The following ADGRB3 variants were observed in gnomAD, a reference collection of about 807,000 sequenced individuals.
The protein encoded by ADGRB3 is adhesion G protein-coupled receptor B3.
ADGRB3 carries 37 observed loss-of-function variants against 193.4 expected under a neutral mutation model. The observed-to-expected ratio is 0.19, with a 90% CI of 0.15 to 0.25. The LOEUF is 0.25. Among genes scored for constraint, ADGRB3 ranks in the 10% least tolerant of loss-of-function variants. The probability of loss-of-function intolerance (pLI) is 1.00; values close to 1 mark genes in which losing one functional copy is unlikely to be tolerated. For missense variants in ADGRB3, 1,637 were observed against 1,852.9 expected, an observed-to-expected ratio of 0.88 and a Z score of 2.14; for synonymous variants, 690 against 644.2, an observed-to-expected ratio of 1.07 and a Z score of -1.08.
intron 3 of ADGRB3, among the ~76,000 whole-genome samples, chr6:68,818,215 C>G (rs1767673792): frequency 6.6e-6 from 1 of 152,018 alleles, no homozygotes; most frequent in Non-Finnish European, 1.5e-5. Flanking sequence ...CCTGTAGACT[C>G]TCCTTTAATT....
chr6:68,636,056 G>C (rs1767941033), intron 1 of ADGRB3, 56 bp downstream of exon 1: 1 of 152,596 alleles, frequency 6.6e-6, no homozygotes, highest in African/African-American at 2.4e-5. Context: ...CCACCGTGGA[G>C]CTTTGGGCTT....
At chr6:69,172,536 C>T (rs1356697914) in intron 17 of ADGRB3, among the ~76,000 whole-genome samples, 5 of 144,632 alleles carry the variant, frequency 3.5e-5, no homozygotes, top group Non-Finnish European at 7.5e-5. Flanking sequence ...CCCAGCTGCT[C>T]GGGAGGCTGA....
intron 3 of ADGRB3, among the ~76,000 whole-genome samples, chr6:68,740,562 A>T (rs919737720): frequency 1.2e-4 from 18 of 152,290 alleles, no homozygotes; most frequent in Middle Eastern, 3.4e-3. Context: ...ACTGTTTATT[A>T]AAAAAATTCC....
intron 8 of ADGRB3, among the ~76,000 whole-genome samples, chr6:68,964,675 G>C (rs2150260235): frequency 6.6e-6 from 1 of 152,138 alleles, no homozygotes; most frequent in South Asian, 2.1e-4. Context: ...TTTGTTATCA[G>C]GTTGAAACTA....
chr6:69,285,710 G>T (rs1457858288), intron 20 of ADGRB3, among the ~76,000 whole-genome samples: 1 of 151,860 alleles, frequency 6.6e-6, no homozygotes, highest in Non-Finnish European at 1.5e-5. Flanking sequence ...TACTATCATT[G>T]TGGCAGTCTC....
chr6:69,359,109 A>G (rs1305053909), intron 28 of ADGRB3, among the ~76,000 whole-genome samples: 1 of 151,842 alleles, frequency 6.6e-6, no homozygotes, highest in East Asian at 1.9e-4. Flanking sequence ...AAACTTATCT[A>G]TATATTTTAA....
intron 20 of ADGRB3, among the ~76,000 whole-genome samples, chr6:69,297,538 G>T (rs1215580406): frequency 6.6e-6 from 1 of 151,850 alleles, no homozygotes; most frequent in African/African-American, 2.4e-5. Context: ...CAGCAATAAA[G>T]TTGCTACAGC....
intron 17 of ADGRB3, among the ~76,000 whole-genome samples, chr6:69,202,363 TC>T (rs1765442747): frequency 6.6e-6 from 1 of 152,154 alleles, no homozygotes; most frequent in East Asian, 1.9e-4. Flanking sequence ...TGACTGTCTT[TC>T]CTCTTATATT....
chr6:69,214,345 A>G (rs1765730745), intron 17 of ADGRB3, among the ~76,000 whole-genome samples: 1 of 152,086 alleles, frequency 6.6e-6, no homozygotes, highest in African/African-American at 2.4e-5. Context: ...GCAGCCCTTG[A>G]GTATTGTAGT....
chr6:69,031,001 CTTTCT>C lies in ADGRB3; in HGVS notation c.2107+12516_2107+12520del, dbSNP rs1187245391. On this transcript the variant is annotated intron_variant, in intron 13 of 31. Coordinates refer to ENST00000370598, the MANE Select transcript of ADGRB3 (RefSeq NM_001704.3). ...CTTTTCTTTTCTTTTCTTTCTTTTCCTTTCTTTTCTTTTCTTTTTTTTTTCCTCTT... is the reference window on the plus strand; with the variant it reads ...CTTTTCTTTTCTTTTCTTTCTTTTCCTTTCTTTTCTTTTTTTTTTCCTCTT... 7.4e-5 allele frequency among the ~76,000 whole-genome samples: 4 copies of C among 54,276 alleles called. 1 individual carries two copies. The highest frequency in any genetic ancestry group is 1.5e-4 in the Admixed American group (1 of 6,472). The allele number at this position is 54,276 out of a possible 152,430, so 35.6% of individuals were successfully genotyped here.
intron 26 of ADGRB3, among the ~76,000 whole-genome samples, chr6:69,342,016 A>T (rs1171683212): frequency 6.6e-6 from 1 of 152,162 alleles, no homozygotes; most frequent in Non-Finnish European, 1.5e-5. Flanking sequence ...ATGGCTAATT[A>T]TCAAATGTTT....
rs372947839 is a variant in ADGRB3 at position 69,168,989 on chromosome 6, G to A, written c.2481-64301G>A. ...AATATTTACCATAAAAATTTGATGT[G>A]TTTTAAAGGGATTTACCTTCACTTT... On this transcript the variant is annotated intron_variant, in intron 17 of 31. Coordinates refer to ENST00000370598, the MANE Select transcript of ADGRB3 (RefSeq NM_001704.3). 2.6e-5 allele frequency among the ~76,000 whole-genome samples: 4 copies of A among 151,832 alleles called. No homozygotes were observed. The East Asian group carries it at 5.8e-4, about 22-fold the overall frequency.
At chr6:69,327,971 C>A in intron 22 of ADGRB3, 82 bp downstream of exon 22, 1 of 1,237,706 alleles carries the variant, frequency 8.1e-7, no homozygotes, top group South Asian at 1.5e-5. Flanking sequence ...TGATGGCTTG[C>A]AGTTTATCAT....
chr6:69,277,867 G>A (rs920941141), intron 20 of ADGRB3, among the ~76,000 whole-genome samples: 5 of 152,110 alleles, frequency 3.3e-5, no homozygotes, highest in African/African-American at 1.2e-4. Context: ...TAGTCTTGTT[G>A]TAAGTATTAA....
At chr6:69,095,392 G>T in intron 17 of ADGRB3, among the ~76,000 whole-genome samples, 1 of 150,904 alleles carries the variant, frequency 6.6e-6, no homozygotes, top group East Asian at 1.9e-4. Flanking sequence ...GAGCATGGGG[G>T]GCAGGGGGCA....
intron 20 of ADGRB3, among the ~76,000 whole-genome samples, chr6:69,253,417 T>A (rs1766670466): frequency 6.6e-6 from 1 of 152,088 alleles, no homozygotes; most frequent in African/African-American, 2.4e-5. Flanking sequence ...ACCAATATAT[T>A]CTTTTGATAA....
At chr6:69,329,959 T>A (rs990557095) in intron 22 of ADGRB3, among the ~76,000 whole-genome samples, 3 of 152,356 alleles carry the variant, frequency 2.0e-5, no homozygotes, top group African/African-American at 7.2e-5. Context: ...GAGAATTTTC[T>A]TAGTAGTTTG....
chr6:68,803,706 C>T (rs1767352458), intron 3 of ADGRB3, among the ~76,000 whole-genome samples: 1 of 152,146 alleles, frequency 6.6e-6, no homozygotes, highest in Non-Finnish European at 1.5e-5. Context: ...AAACCAATGC[C>T]ATGTTGCTCA....
At chr6:69,052,298 A>G (rs895661498) in intron 15 of ADGRB3, among the ~76,000 whole-genome samples, 1 of 152,238 alleles carries the variant, frequency 6.6e-6, no homozygotes, top group Non-Finnish European at 1.5e-5. Flanking sequence ...GGATTAAAAG[A>G]TGTGTATTTT....
Sources: allele counts gnomAD v4.1 joint callset (sites outside exome capture counted in the v4.1 genomes callset), GRCh38; gene constraint gnomAD v4.1.1; transcripts MANE v1.5; gene names NCBI Gene and HGNC (gene_info 2026-07-23, HGNC 2026-07-21).